The following ULK4 variants were observed in gnomAD, a reference collection of about 807,000 sequenced individuals.
The protein encoded by ULK4 is inactive serine/threonine-protein kinase ULK4.
ULK4 carries 133 observed loss-of-function variants against 160.6 expected under a neutral mutation model. The ratio of observed to expected loss-of-function variants is 0.83; its 90% CI spans 0.72 to 0.96. ULK4 has a LOEUF of 0.96. Among genes scored for constraint, ULK4 ranks in the 40% least tolerant of loss-of-function variants. The pLI, the probability that ULK4 is intolerant of heterozygous loss-of-function variation, is 0.00. For missense variants in ULK4, 1,580 were observed against 1,499.5 expected (o/e 1.05, Z -0.89); for synonymous variants, 534 against 539.8 (o/e 0.99, Z 0.15).
intron 32 of ULK4, among the ~76,000 whole-genome samples, chr3:41,465,106 A>G (rs1019481775): frequency 2.6e-5 from 4 of 152,234 alleles, no homozygotes; most frequent in African/African-American, 9.6e-5. Context: ...CACAACAGTG[A>G]TAACGCCAGC....
chr3:41,515,042 G>T (rs1278220918), intron 32 of ULK4, among the ~76,000 whole-genome samples: 3 of 152,026 alleles, frequency 2.0e-5, no homozygotes, highest in African/African-American at 4.8e-5. Flanking sequence ...ATCACTTGAG[G>T]TCAGGAGTTT....
At chr3:41,278,593 C>T (rs2079277917) in intron 35 of ULK4, among the ~76,000 whole-genome samples, 1 of 152,134 alleles carries the variant, frequency 6.6e-6, no homozygotes, top group Non-Finnish European at 1.5e-5. Flanking sequence ...GACAAAGCTT[C>T]CAGAGGAAGG....
intron 29 of ULK4, among the ~76,000 whole-genome samples, chr3:41,667,140 C>G (rs1414347195): frequency 6.7e-6 from 1 of 150,306 alleles, no homozygotes; most frequent in Non-Finnish European, 1.5e-5. Context: ...GGTGACAGAG[C>G]AAGACTCTGT....
chr3:41,448,993 C>T (rs918161387), intron 34 of ULK4, among the ~76,000 whole-genome samples: 1 of 152,202 alleles, frequency 6.6e-6, no homozygotes, highest in African/African-American at 2.4e-5. Flanking sequence ...TCTCGGCTCA[C>T]TGCAACCTCT....
At chr3:41,856,538 TATATATATATGTGTATATATATACAC>T (rs71075487) in intron 17 of ULK4, among the ~76,000 whole-genome samples, 1,012 of 87,990 alleles carry the variant, frequency 0.012, 12 homozygotes, top group South Asian at 0.023. Flanking sequence ...TATATGTATG[TATATATATATGTGTATATATATACAC>T]ATATATATAT....
chr3:41,881,498 A>G (rs1202176252), intron 17 of ULK4, among the ~76,000 whole-genome samples: 1 of 152,208 alleles, frequency 6.6e-6, no homozygotes, highest in Non-Finnish European at 1.5e-5. Flanking sequence ...AAAAGTAATT[A>G]CAGTTTTTGC....
chr3:41,491,521 T>C (rs1250021577), intron 32 of ULK4, among the ~76,000 whole-genome samples: 2 of 152,014 alleles, frequency 1.3e-5, no homozygotes, highest in Non-Finnish European at 2.9e-5. Flanking sequence ...TACAAAAATA[T>C]GGCATTTCAG....
chr3:41,469,973 G>C (rs1037389090), intron 32 of ULK4, among the ~76,000 whole-genome samples: 1 of 110,150 alleles, frequency 9.1e-6, no homozygotes, highest in Non-Finnish European at 1.7e-5. Context: ...ATACCATTAA[G>C]AGACCTAACC....
At chr3:41,500,280 C>CT (rs34817731) in intron 32 of ULK4, among the ~76,000 whole-genome samples, 59,403 of 139,768 alleles carry the variant, frequency 0.43, 13,754 homozygotes, top group Non-Finnish European at 0.52. Context: ...TTCATCTTAT[C>CT]TTTTTTTTTT....
At chr3:41,804,636 A>C (rs1173300118) in intron 19 of ULK4, among the ~76,000 whole-genome samples, 1 of 151,984 alleles carries the variant, frequency 6.6e-6, no homozygotes, top group Non-Finnish European at 1.5e-5. Flanking sequence ...TAAGTCTTTA[A>C]TCCATCTTGA....
chr3:41,450,023 C>CT (rs1313394135), intron 34 of ULK4, among the ~76,000 whole-genome samples: 3 of 150,832 alleles, frequency 2.0e-5, no homozygotes, highest in African/African-American at 4.9e-5. Context: ...ATACTGGCAC[C>CT]TTTGATATAT....
chr3:41,525,374 G>C (rs966364005), intron 32 of ULK4, among the ~76,000 whole-genome samples: 1 of 152,198 alleles, frequency 6.6e-6, no homozygotes, highest in African/African-American at 2.4e-5. Flanking sequence ...TGATGCACAT[G>C]CTGAATGCTT....
intron 21 of ULK4, among the ~76,000 whole-genome samples, chr3:41,788,656 C>T (rs2040064261): frequency 6.6e-6 from 1 of 151,746 alleles, no homozygotes; most frequent in African/African-American, 2.4e-5. Context: ...CACCACTGCA[C>T]TCCAGCCTGG....
At chr3:41,933,686 A>C (rs138378776) in intron 4 of ULK4, among the ~76,000 whole-genome samples, 23 of 151,202 alleles carry the variant, frequency 1.5e-4, no homozygotes, top group African/African-American at 5.7e-4. Context: ...CTATGAACTA[A>C]GAGTGTTGGA....
At chr3:41,868,081 G>T (rs770775911) in intron 17 of ULK4, among the ~76,000 whole-genome samples, 2 of 152,096 alleles carry the variant, frequency 1.3e-5, no homozygotes, top group Non-Finnish European at 2.9e-5. Context: ...CAAAATAAAG[G>T]TATTGTATAA....
intron 21 of ULK4, among the ~76,000 whole-genome samples, chr3:41,761,461 GAGTGTTATGC>G (rs2038983763): frequency 6.7e-6 from 1 of 150,350 alleles, no homozygotes; most frequent in Non-Finnish European, 1.5e-5. Flanking sequence ...TTATAGTAAT[GAGTGTTATGC>G]CTTAAACAGT....
intron 35 of ULK4, among the ~76,000 whole-genome samples, chr3:41,297,694 A>G (rs867191909): frequency 6.6e-6 from 1 of 152,176 alleles, no homozygotes; most frequent in Non-Finnish European, 1.5e-5. Flanking sequence ...AATGAATACA[A>G]CTAGCTGATT....
At chr3:41,958,424 AGATGCGGT>A (rs1241343079) in intron 1 of ULK4, among the ~76,000 whole-genome samples, 1 of 152,054 alleles carries the variant, frequency 6.6e-6, no homozygotes, top group Non-Finnish European at 1.5e-5. Context: ...ATATATTGGC[AGATGCGGT>A]GGCTCACGCC....
At chr3:41,687,349 G>A (rs1376237386) in intron 27 of ULK4, among the ~76,000 whole-genome samples, 3 of 151,404 alleles carry the variant, frequency 2.0e-5, no homozygotes, top group South Asian at 2.1e-4. Context: ...CTCCAGTCTG[G>A]CGATGAAGAG....
Sources: allele counts gnomAD v4.1 joint callset (sites outside exome capture counted in the v4.1 genomes callset), GRCh38; gene constraint gnomAD v4.1.1; transcripts MANE v1.5; gene names NCBI Gene and HGNC (gene_info 2026-07-23, HGNC 2026-07-21).